Variants in ABCC1 observed in about 807,000 individuals in gnomAD.
ABCC1 encodes the protein ATP binding cassette subfamily C member 1 (ABCC1 blood group), also known as multidrug resistance-associated protein 1.
ABCC1 carries 83 observed loss-of-function variants against 172.9 expected under a neutral mutation model. The ratio of observed to expected loss-of-function variants is 0.48; its 90% CI spans 0.40 to 0.58. The LOEUF (loss-of-function observed/expected upper bound fraction) is 0.58, where lower values mean the gene tolerates loss of function less well. Among genes scored for constraint, ABCC1 ranks in the 20% least tolerant of loss-of-function variants. The pLI, the probability that ABCC1 is intolerant of heterozygous loss-of-function variation, is 0.00. For missense variants in ABCC1, 1,817 were observed against 2,002.7 expected, an observed-to-expected ratio of 0.91 and a Z score of 1.77; for synonymous variants, 937 against 825.2, an observed-to-expected ratio of 1.14 and a Z score of -2.32.
chr16:16,044,796 A>T (rs2049134929), intron 8 of ABCC1, 116 bp downstream of exon 8: 2 of 896,738 alleles, frequency 2.2e-6, no homozygotes, highest in Admixed American at 2.7e-5. Context: ...TCATAGCCAG[A>T]TGTCTCCATT....
intron 14 of ABCC1, 122 bp downstream of exon 14, chr16:16,071,851 C>A: frequency 1.2e-6 from 1 of 854,158 alleles, no homozygotes; most frequent in South Asian, 1.6e-5. Flanking sequence ...AGCCGCTTGT[C>A]TGCGAGACCC....
At chr16:16,020,069 A>G (rs765266871) in intron 5 of ABCC1, among the ~76,000 whole-genome samples, 34 of 152,062 alleles carry the variant, frequency 2.2e-4, no homozygotes, top group Admixed American at 1.0e-3. Context: ...CTACAGGCGC[A>G]CACCACCATG....
At chr16:16,124,337 G>GTGTGTGTGTA (rs1555502572) in intron 24 of ABCC1, among the ~76,000 whole-genome samples, 5,517 of 122,822 alleles carry the variant, frequency 0.045, 219 homozygotes, top group Non-Finnish European at 0.055. Context: ...GTGTGTGTGT[G>GTGTGTGTGTA]TGTGTGTGTG....
intron 4 of ABCC1, among the ~76,000 whole-genome samples, chr16:16,016,029 C>T (rs2047980403): frequency 6.6e-6 from 1 of 152,168 alleles, no homozygotes; most frequent in Non-Finnish European, 1.5e-5. Flanking sequence ...AGTGAGACTA[C>T]CCGTGATGGA....
At position 16,135,188 on chromosome 16, in the gene ABCC1, C is replaced by T. The variant is rs374069846; in HGVS notation, c.4125+680C>T. Among the ~76,000 whole-genome samples, 12 of 152,266 alleles carry T rather than the reference C, an allele frequency of 7.9e-5. No individual in the cohort carries two copies. In the East Asian group the frequency reaches 1.7e-3, roughly 22 times the overall value. Reference sequence around the variant, plus strand: ...ATAAGACTTTTTAATTTTCGATTCACGGGGTGCACCTGCAGGCTTGTTACG... The same window carrying T: ...ATAAGACTTTTTAATTTTCGATTCATGGGGTGCACCTGCAGGCTTGTTACG... On this transcript the variant is annotated intron_variant, in intron 28 of 30. Transcript: ENST00000399410.
intron 1 of ABCC1, among the ~76,000 whole-genome samples, chr16:15,960,665 G>C (rs549515378): frequency 4.9e-4 from 75 of 152,242 alleles, no homozygotes; most frequent in African/African-American, 1.7e-3. Flanking sequence ...TTTCGGAGGC[G>C]GTGAGGTTTG....
intron 24 of ABCC1, among the ~76,000 whole-genome samples, chr16:16,122,974 TA>T (rs2045233913): frequency 1.3e-5 from 2 of 152,304 alleles, no homozygotes; most frequent in East Asian, 3.9e-4. Context: ...AGAAGTTTGC[TA>T]ATTATTTGCT....
At chr16:15,954,762 G>T (rs1043774551) in intron 1 of ABCC1, among the ~76,000 whole-genome samples, 2 of 152,102 alleles carry the variant, frequency 1.3e-5, no homozygotes, top group African/African-American at 4.8e-5. Flanking sequence ...TAGCCTGGAG[G>T]GGGTGCCTCG....
chr16:16,084,913 G>A (rs1030042575), intron 17 of ABCC1, among the ~76,000 whole-genome samples: 16 of 152,116 alleles, frequency 1.1e-4, no homozygotes, highest in African/African-American at 3.9e-4. Context: ...TAACCACCTC[G>A]CCCGGCCTAT....
At chr16:16,103,832 T>C (rs2051906697) in intron 20 of ABCC1, among the ~76,000 whole-genome samples, 1 of 152,174 alleles carries the variant, frequency 6.6e-6, no homozygotes, top group Non-Finnish European at 1.5e-5. Flanking sequence ...CCGGAATTGG[T>C]GGGTCTTGGT....
intron 1 of ABCC1, among the ~76,000 whole-genome samples, chr16:15,951,167 A>G (rs952164659): frequency 3.1e-4 from 47 of 152,124 alleles, no homozygotes; most frequent in African/African-American, 1.1e-3. Flanking sequence ...TTTTGCAAAG[A>G]TTCACATGGT....
At chr16:16,084,786 A>G (rs1183462379) in intron 17 of ABCC1, among the ~76,000 whole-genome samples, 1 of 152,008 alleles carries the variant, frequency 6.6e-6, no homozygotes, top group Non-Finnish European at 1.5e-5. Context: ...ACGCACAGCT[A>G]ATTTCTGTAT....
chr16:15,956,420 A>G (rs555956713), intron 1 of ABCC1, among the ~76,000 whole-genome samples: 2 of 152,016 alleles, frequency 1.3e-5, no homozygotes, highest in African/African-American at 4.8e-5. Context: ...TCAACTCCCT[A>G]AAAGTTTAAC....
Position 16,122,109 on chromosome 16 carries a change from C to A in ABCC1, c.3525C>A (p.Ile1175=). ...IRAFEEQERF[I]HQSDLKVDEN... is the part of the protein sequence containing the mutation. ...CCTTCGAGGAGCAGGAGCGCTTCAT[C>A]CACCAGAGTGACCTGAAGGTGGACG... The change falls in exon 24 of 31, where the codon ATC becomes ATA. Residue 1175 remains isoleucine (I), a synonymous_variant. Coordinates refer to ENST00000399410, the MANE Select transcript of ABCC1 (RefSeq NM_004996.4). 1 of 1,614,188 alleles carries A rather than the reference C, an allele frequency of 6.2e-7. No individual in the cohort carries two copies.
chr16:15,973,438 C>T (rs527492709), intron 1 of ABCC1, among the ~76,000 whole-genome samples: 8 of 152,038 alleles, frequency 5.3e-5, no homozygotes, highest in African/African-American at 1.4e-4. Flanking sequence ...GGATGGGCTC[C>T]ATAATGAAAA....
chr16:16,087,026 C>T lies in ABCC1; in HGVS notation c.2460+35C>T, dbSNP rs144554876. Reference sequence around the variant, plus strand: ...GGCGGGGTGGGGCTTGGTGTTGGGCCGTCTCGCCCTTTGGTTAAGTCAGAA... The same window carrying T: ...GGCGGGGTGGGGCTTGGTGTTGGGCTGTCTCGCCCTTTGGTTAAGTCAGAA... On this transcript the variant is annotated intron_variant, in intron 18 of 30. Coordinates refer to ENST00000399410, the MANE Select transcript of ABCC1 (RefSeq NM_004996.4). 19 of 1,611,894 alleles carry T rather than the reference C, an allele frequency of 1.2e-5. No homozygotes were observed. The African/African-American group carries it at 1.2e-4, about 10-fold the overall frequency.
chr16:16,035,995 A>G (rs1051879714), intron 6 of ABCC1, among the ~76,000 whole-genome samples: 1 of 151,920 alleles, frequency 6.6e-6, no homozygotes, highest in African/African-American at 2.4e-5. Flanking sequence ...ATAATGGCTT[A>G]CACCCAAAGT....
At chr16:15,982,217 G>T (rs1427073260) in intron 1 of ABCC1, among the ~76,000 whole-genome samples, 1 of 152,010 alleles carries the variant, frequency 6.6e-6, no homozygotes, top group Non-Finnish European at 1.5e-5. Flanking sequence ...ACATTTTTGG[G>T]TATCTTTACA....
rs752002375 is a variant in ABCC1 at position 16,102,827 on chromosome 16, C to CT, written c.2735+114dup. The CT allele has an allele frequency of 6.7e-5, 67 of 995,910 alleles. No homozygotes were observed. The African/African-American group carries it at 1.1e-3, about 16-fold the overall frequency. 61.7% of individuals were successfully genotyped at this position (995,910 alleles called of 1,614,324 possible). A position where few individuals can be genotyped will look rare whatever the true frequency, so the allele number is the denominator to read the frequency against. The stretch of plus-strand genomic sequence containing the variant: ...CCCCTGAGGTCCTGGAAGGCCTGGG[C>CT]TTTTACCTTCCCTCCCAAATCCTCC... On this transcript the variant is annotated intron_variant, in intron 20 of 30. Coordinates refer to ENST00000399410, the MANE Select transcript of ABCC1 (RefSeq NM_004996.4).
Sources: allele counts gnomAD v4.1 joint callset (sites outside exome capture counted in the v4.1 genomes callset), GRCh38; gene constraint gnomAD v4.1.1; transcripts MANE v1.5; gene names NCBI Gene and HGNC (gene_info 2026-07-23, HGNC 2026-07-21).